The following ZBTB44 variants were observed in gnomAD, a reference collection of about 807,000 sequenced individuals.
The protein encoded by ZBTB44 is zinc finger and BTB domain-containing protein 44.
Under a neutral mutation model 54.0 loss-of-function variants are expected in ZBTB44, and 15 were observed. The ratio of observed to expected loss-of-function variants is 0.28; its 90% CI spans 0.19 to 0.43. The LOEUF is 0.43. Among genes scored for constraint, ZBTB44 ranks in the 20% least tolerant of loss-of-function variants. The pLI is 1.00. For missense variants in ZBTB44, 487 were observed against 707.1 expected (o/e 0.69, Z 3.53); for synonymous variants, 230 against 250.1 (o/e 0.92, Z 0.76).
intron 1 of ZBTB44, among the ~76,000 whole-genome samples, chr11:130,271,831 T>C (rs992099205): frequency 1.1e-4 from 16 of 152,330 alleles, no homozygotes; most frequent in Non-Finnish European, 1.9e-4. Flanking sequence ...GTTGGGTATA[T>C]GTGTAAGACA....
In ZBTB44 at chr11:130,227,003, T is replaced by C. The variant is rs750488027; in HGVS notation, c.*4761A>G. ...ACACATGTTCACAAAGCAAACACTA[T>C]AGGCTCAGAACAGATTTGAAAAAAC... On this transcript the variant is annotated 3_prime_UTR_variant, in exon 8 of 8. Coordinates refer to ENST00000357899, the MANE Select transcript of ZBTB44 (RefSeq NM_001301098.2). 1 of 152,136 alleles carries C rather than the reference T, an allele frequency of 6.6e-6. No individual in the cohort carries two copies. Among genetic ancestry groups the C allele is most frequent in the Admixed American group, 6.5e-5 (1 of 15,278 alleles). 9.4% of individuals were successfully genotyped at this position (152,136 alleles called of 1,614,324 possible).
intron 2 of ZBTB44, among the ~76,000 whole-genome samples, chr11:130,258,432 C>G (rs1203784373): frequency 6.6e-6 from 1 of 152,128 alleles, no homozygotes; most frequent in African/African-American, 2.4e-5. Context: ...CTCTGTAAAA[C>G]CAAACTCACT....
At chr11:130,283,071 T>C (rs1271159891) in intron 1 of ZBTB44, among the ~76,000 whole-genome samples, 1 of 139,812 alleles carries the variant, frequency 7.2e-6, no homozygotes, top group African/African-American at 2.7e-5. Flanking sequence ...AGATGGAGTC[T>C]CGCTCTGTCA....
In ZBTB44 at chr11:130,300,880, A is replaced by C. The variant is rs532509373; in HGVS notation, c.-57+13495T>G. ...ATCATAAAGTAGCTAGGTTCTAAAA[A>C]TAGAGCAAGGGGGTTAGCTGGACAA... On this transcript the variant is annotated intron_variant, in intron 1 of 7. Transcript: ENST00000357899. Among the ~76,000 whole-genome samples, 4 of 152,334 alleles carry C rather than the reference A, an allele frequency of 2.6e-5. 1 individual carries two copies. The South Asian group carries it at 8.3e-4, about 32-fold the overall frequency.
chr11:130,296,005 C>G, intron 1 of ZBTB44: 2 of 1,562,978 alleles, frequency 1.3e-6, no homozygotes, highest in Non-Finnish European at 1.8e-6. Context: ...GCAGAATATC[C>G]CAGGGTTTAT....
At chr11:130,307,424 CAAAAAAAAA>C (rs35105255) in intron 1 of ZBTB44, among the ~76,000 whole-genome samples, 2 of 137,566 alleles carry the variant, frequency 1.5e-5, no homozygotes, top group South Asian at 2.3e-4. Context: ...GACTCTGTCT[CAAAAAAAAA>C]AAAAAAAGTC....
chr11:130,299,730 A>G (rs1941889386), intron 1 of ZBTB44, among the ~76,000 whole-genome samples: 1 of 152,194 alleles, frequency 6.6e-6, no homozygotes. Flanking sequence ...TGGCATAGCC[A>G]CTATAGAAAA....
rs1461155972 is a variant in ZBTB44, at chr11:130,261,981, G to A, written c.-56-52C>T. 15 of 1,285,176 alleles carry A rather than the reference G, an allele frequency of 1.2e-5. No individual in the cohort carries two copies. The highest frequency in any genetic ancestry group is 1.6e-5 in the Non-Finnish European group (15 of 964,438). 79.6% of individuals were successfully genotyped at this position (1,285,176 alleles called of 1,614,324 possible). A position where few individuals can be genotyped will look rare whatever the true frequency, so the allele number is the denominator to read the frequency against. On this transcript the variant is annotated intron_variant, in intron 1 of 7. Transcript: ENST00000357899. The surrounding 1 kb of genome is among the most constrained non-coding windows in gnomAD (Gnocchi z 4.8). ...AATTGATATTTTAGTGGTTTAAAAT[G>A]TGATTTAGATCATTTTCATGTGGCC... is the stretch of plus-strand genomic sequence containing the variant.
chr11:130,236,829 T>C lies in ZBTB44; in HGVS notation c.1532A>G (p.His511Arg). The C allele has an allele frequency of 7.3e-7, 1 of 1,379,036 alleles. No individual in the cohort carries two copies. Among genetic ancestry groups the C allele is most frequent in the Non-Finnish European group, 9.4e-7 (1 of 1,065,048 alleles). 85.4% of individuals were successfully genotyped at this position (1,379,036 alleles called of 1,614,324 possible). A position where few individuals can be genotyped will look rare whatever the true frequency, so the allele number is the denominator to read the frequency against. ...GTAGTTTGCTAGCTCTGATGCTTCA[T>C]GGTTCAGACTCCTCAGGTGCACGAT... is the stretch of plus-strand genomic sequence containing the variant. ...NLIVHLRSLN[H>R]EASELANYFQ... Residue 511 changes from histidine (H) to arginine (R), a missense_variant, in exon 5 of 8, where the codon CAT becomes CGT. This residue lies in a region of ZBTB44 where 120 missense variants were observed against 240.3 expected (regional missense o/e 0.50). Coordinates refer to ENST00000357899, the MANE Select transcript of ZBTB44 (RefSeq NM_001301098.2).
chr11:130,305,033 T>C (rs981874158), intron 1 of ZBTB44, among the ~76,000 whole-genome samples: 3 of 152,112 alleles, frequency 2.0e-5, no homozygotes, highest in South Asian at 2.1e-4. Flanking sequence ...TTAAAATACT[T>C]AGGAATATAC....
intron 1 of ZBTB44, chr11:130,296,175 G>A: frequency 7.4e-7 from 1 of 1,357,686 alleles, no homozygotes; most frequent in Non-Finnish European, 1.0e-6. Flanking sequence ...AGGTTGGCAA[G>A]GATTTCTCTG....
At chr11:130,235,582 G>C (rs575515009) in intron 5 of ZBTB44, among the ~76,000 whole-genome samples, 1 of 152,158 alleles carries the variant, frequency 6.6e-6, no homozygotes, top group African/African-American at 2.4e-5. Flanking sequence ...TCAGGAGTTC[G>C]AGGCTGCAGT....
At chr11:130,256,167 T>TG (rs1296759632) in intron 2 of ZBTB44, among the ~76,000 whole-genome samples, 2 of 152,172 alleles carry the variant, frequency 1.3e-5, no homozygotes, top group Admixed American at 6.5e-5. Flanking sequence ...CCAATATACC[T>TG]GATGAACATT....
chr11:130,293,719 C>T (rs1474274313), intron 1 of ZBTB44, among the ~76,000 whole-genome samples: 1 of 151,848 alleles, frequency 6.6e-6, no homozygotes. Flanking sequence ...TCAGTTGAAC[C>T]TGGGAGGCGG....
At chr11:130,287,666 C>A (rs572022581) in intron 1 of ZBTB44, among the ~76,000 whole-genome samples, 207 of 152,134 alleles carry the variant, frequency 1.4e-3, no homozygotes, top group Middle Eastern at 3.4e-3. Flanking sequence ...AGATGATATA[C>A]CTACATGATA....
intron 2 of ZBTB44, among the ~76,000 whole-genome samples, chr11:130,258,474 G>C (rs1163329480): frequency 6.6e-6 from 1 of 152,084 alleles, no homozygotes; most frequent in Non-Finnish European, 1.5e-5. Flanking sequence ...TAAAATATCT[G>C]CATGTTTTTG....
chr11:130,300,258 G>C (rs1941918763), intron 1 of ZBTB44, among the ~76,000 whole-genome samples: 1 of 152,092 alleles, frequency 6.6e-6, no homozygotes, highest in Non-Finnish European at 1.5e-5. Flanking sequence ...GTATAATAAT[G>C]TGAATGTACT....
In ZBTB44 at chr11:130,229,860, CTG is replaced by C. The variant is rs1419961417; in HGVS notation, c.*1902_*1903del. The C allele has an allele frequency of 1.3e-5, 2 of 152,096 alleles. No homozygotes were observed. Among genetic ancestry groups the C allele is most frequent in the Admixed American group, 6.6e-5 (1 of 15,260 alleles). 9.4% of individuals were successfully genotyped at this position (152,096 alleles called of 1,614,324 possible). A position where few individuals can be genotyped will look rare whatever the true frequency, so the allele number is the denominator to read the frequency against. ...GCAACTTTGGGTCTGTTTCTTCTAA[CTG>C]TAAACTTCACACTAGTTTTTTTTTC... On this transcript the variant is annotated 3_prime_UTR_variant, in exon 8 of 8. Coordinates refer to ENST00000357899, the MANE Select transcript of ZBTB44 (RefSeq NM_001301098.2).
intron 2 of ZBTB44, among the ~76,000 whole-genome samples, chr11:130,245,400 AATAAAC>A (rs1464170916): frequency 6.6e-6 from 1 of 152,212 alleles, no homozygotes; most frequent in Non-Finnish European, 1.5e-5. Context: ...AGAAAAGAAA[AATAAAC>A]ATTAACTTTT....
Sources: gnomAD v4.1 joint callset for allele counts (sites outside exome capture counted in the v4.1 genomes callset) on GRCh38, gnomAD v4.1.1 for gene constraint, gnomAD v4.1.1 regional missense constraint, Gnocchi (gnomAD v3.1) non-coding constraint, MANE v1.5 for transcripts, NCBI Gene and HGNC (gene_info 2026-07-23, HGNC 2026-07-21) for gene names.